The following TASP1 variants were observed in gnomAD, a reference collection of about 807,000 sequenced individuals.
The protein encoded by TASP1 is taspase 1.
Under a neutral mutation model 56.6 loss-of-function variants are expected in TASP1, and 16 were observed. That is an observed-to-expected ratio of 0.28 (90% CI 0.19 to 0.43). The LOEUF (loss-of-function observed/expected upper bound fraction) is 0.43, where lower values mean the gene tolerates loss of function less well. Ranked by LOEUF, TASP1 falls within the 20% of genes least tolerant of loss-of-function variation. The pLI, the probability that TASP1 is intolerant of heterozygous loss-of-function variation, is 1.00. For missense variants in TASP1, 393 were observed against 511.6 expected, an observed-to-expected ratio of 0.77 and a Z score of 2.24; for synonymous variants, 179 against 184.2, an observed-to-expected ratio of 0.97 and a Z score of 0.23.
the TASP1 span, among the ~76,000 whole-genome samples, chr20:13,260,178 A>G: frequency 2.0e-5 from 3 of 152,240 alleles, no homozygotes; most frequent in Non-Finnish European, 4.4e-5. Context: ...TGCCGGTGGC[A>G]GGAGCTTTCT....
At position 13,587,634 on chromosome 20, in the gene TASP1, C is replaced by CACAA. The variant is rs2047356382; in HGVS notation, c.283-268_283-265dup. Among the ~76,000 whole-genome samples the CACAA allele has an allele frequency of 2.0e-5, 3 of 151,468 alleles. No homozygotes were observed. In the South Asian group the frequency reaches 6.2e-4, roughly 32 times the overall value. On this transcript the variant is annotated intron_variant, in intron 4 of 13. Transcript: ENST00000337743. The stretch of plus-strand genomic sequence containing the variant: ...GCAAAATATAAAAAGGACTGTATAT[C>CACAA]ACAAACAAGAGGAAAGTAAGATTGG...
chr20:13,513,356 C>A (rs1341822843), intron 10 of TASP1, among the ~76,000 whole-genome samples: 1 of 146,446 alleles, frequency 6.8e-6, no homozygotes, highest in African/African-American at 2.5e-5. Context: ...CACCACTGAC[C>A]TTGGAGGGAG....
the TASP1 span, among the ~76,000 whole-genome samples, chr20:13,112,501 T>G: frequency 6.6e-6 from 1 of 152,082 alleles, no homozygotes; most frequent in South Asian, 2.1e-4. Flanking sequence ...GAAGGTGAAA[T>G]AGACCCTACC....
chr20:13,166,294 T>C, the TASP1 span: 1 of 152,730 alleles, frequency 6.5e-6, no homozygotes, highest in Middle Eastern at 3.4e-3. Flanking sequence ...GCGCCTGCGA[T>C]GGATGGAGCA....
intron 10 of TASP1, among the ~76,000 whole-genome samples, chr20:13,516,223 G>A (rs2044526041): frequency 6.6e-6 from 1 of 152,082 alleles, no homozygotes; most frequent in African/African-American, 2.4e-5. Flanking sequence ...TTCTACAGAG[G>A]GAACCAAGGT....
chr20:13,362,089 T>C, the TASP1 span, among the ~76,000 whole-genome samples: 7 of 150,152 alleles, frequency 4.7e-5, no homozygotes, highest in East Asian at 1.4e-3. Flanking sequence ...TCTCCCACTC[T>C]AGGTTCCCAC....
chr20:13,317,737 A>G, the TASP1 span, among the ~76,000 whole-genome samples: 1 of 152,164 alleles, frequency 6.6e-6, no homozygotes, highest in African/African-American at 2.4e-5. Context: ...GAGCATTCAC[A>G]TGCAAAACAA....
chr20:13,237,975 A>G, the TASP1 span: 1 of 152,272 alleles, frequency 6.6e-6, no homozygotes, highest in East Asian at 1.9e-4. Flanking sequence ...GTCCATATGA[A>G]AAGAGTGACC....
the TASP1 span, among the ~76,000 whole-genome samples, chr20:13,361,230 G>A: frequency 0.29 from 43,810 of 151,860 alleles, 7,343 homozygotes; most frequent in African/African-American, 0.46. Context: ...CTAGGTAGAC[G>A]CTTTTCACTG....
chr20:13,233,779 A>G, the TASP1 span, among the ~76,000 whole-genome samples: 1 of 152,136 alleles, frequency 6.6e-6, no homozygotes. Flanking sequence ...AAGGTAACCC[A>G]TCCATTGCCC....
intron 8 of TASP1, among the ~76,000 whole-genome samples, chr20:13,545,654 T>A (rs994093574): frequency 7.9e-5 from 12 of 152,248 alleles, no homozygotes; most frequent in South Asian, 2.1e-4. Context: ...CATTTTTTTT[T>A]AAAATATCTT....
chr20:13,470,150 A>C (rs2044433900), intron 11 of TASP1, among the ~76,000 whole-genome samples: 1 of 152,072 alleles, frequency 6.6e-6, no homozygotes, highest in Admixed American at 6.6e-5. Context: ...ATTGAGTATT[A>C]TCTCTCTAAT....
At chr20:13,466,976 T>C (rs143094341) in intron 11 of TASP1, among the ~76,000 whole-genome samples, 8 of 152,144 alleles carry the variant, frequency 5.3e-5, no homozygotes, top group African/African-American at 1.7e-4. Context: ...AAAAATGACT[T>C]CAAAAGAAAA....
At chr20:13,498,118 G>A (rs941865128) in intron 10 of TASP1, among the ~76,000 whole-genome samples, 5 of 152,020 alleles carry the variant, frequency 3.3e-5, no homozygotes, top group Admixed American at 1.3e-4. Flanking sequence ...TGACAAGAGG[G>A]ATCCAATTAA....
At chr20:13,128,207 T>C in the TASP1 span, among the ~76,000 whole-genome samples, 3,992 of 152,332 alleles carry the variant, frequency 0.026, 72 homozygotes, top group Non-Finnish European at 0.031. Context: ...GTTTCTGAGG[T>C]GATCGACAAG....
intron 2 of TASP1, among the ~76,000 whole-genome samples, chr20:13,628,483 G>T (rs557050521): frequency 6.6e-6 from 1 of 152,152 alleles, no homozygotes; most frequent in Non-Finnish European, 1.5e-5. Context: ...TCACCTCCTT[G>T]TAAAAGCACC....
chr20:13,279,822 C>T, the TASP1 span: 1 of 1,614,036 alleles, frequency 6.2e-7, no homozygotes. Context: ...ACAGCAACTT[C>T]CTCAACCCCC....
At chr20:13,289,848 C>G in the TASP1 span, among the ~76,000 whole-genome samples, 6 of 152,310 alleles carry the variant, frequency 3.9e-5, no homozygotes, top group Admixed American at 2.6e-4. Flanking sequence ...TATCTTAGAG[C>G]CTTTCAAGAA....
At chr20:13,492,543 C>A (rs1268806615) in intron 10 of TASP1, among the ~76,000 whole-genome samples, 1 of 152,062 alleles carries the variant, frequency 6.6e-6, no homozygotes, top group African/African-American at 2.4e-5. Flanking sequence ...TCACAGTGTC[C>A]CTATGGTTAT....
Sources: gnomAD v4.1 joint callset for allele counts (sites outside exome capture counted in the v4.1 genomes callset) on GRCh38, gnomAD v4.1.1 for gene constraint, MANE v1.5 for transcripts, NCBI Gene and HGNC (gene_info 2026-07-23, HGNC 2026-07-21) for gene names.